Variants in SCGB2B2 observed in about 807,000 individuals in gnomAD.
SCGB2B2 encodes the protein secretoglobin family 2B member 2, also known as secretoglobin-like protein.
SCGB2B2 carries 11 observed loss-of-function variants against 7.6 expected under a neutral mutation model. The observed-to-expected ratio is 1.45, with a 90% CI of 0.91 to 2.40. The LOEUF (loss-of-function observed/expected upper bound fraction) is 2.40, where lower values mean the gene tolerates loss of function less well. Ranked by LOEUF, SCGB2B2 falls within the 30% of genes most tolerant of loss-of-function variation. The pLI is 0.00. For missense variants in SCGB2B2, 104 were observed against 115.4 expected (o/e 0.90, Z 0.45); for synonymous variants, 50 against 48.6 (o/e 1.03, Z -0.12).
chr19:34,667,804 C>T (rs745432229), intron 1 of SCGB2B2, among the ~76,000 whole-genome samples: 1 of 149,392 alleles, frequency 6.7e-6, no homozygotes, highest in Non-Finnish European at 1.5e-5. Flanking sequence ...CTGACCCGGG[C>T]CACCCACGTG....
At chr19:34,653,767 A>C (rs1373242569) in intron 1 of SCGB2B2, among the ~76,000 whole-genome samples, 1 of 151,296 alleles carries the variant, frequency 6.6e-6, no homozygotes, top group Non-Finnish European at 1.5e-5. Flanking sequence ...AATATTCAAT[A>C]TCCATTCATA....
At chr19:34,658,199 G>A (rs570546832) in intron 1 of SCGB2B2, among the ~76,000 whole-genome samples, 18 of 152,160 alleles carry the variant, frequency 1.2e-4, no homozygotes, top group Non-Finnish European at 1.8e-4. Context: ...AGAGATTCAA[G>A]AGCAAACAAA....
rs115079256 is a variant in SCGB2B2 at position 34,619,573 on chromosome 19, G to A, written c.-2031-22979C>T. ...GAGATGTAGAATCTCCCCAAAGGTA[G>A]TTCAGGAAAAAGAAAATTTCAAGAC... is the stretch of plus-strand genomic sequence containing the variant. On this transcript the variant is annotated intron_variant, in intron 1 of 3. Coordinates refer to ENST00000601241, the MANE Select transcript of SCGB2B2 (RefSeq NM_001025591.4). Among the ~76,000 whole-genome samples the A allele has an allele frequency of 2.7e-3, 409 of 152,290 alleles. 1 individual carries two copies. Among genetic ancestry groups the A allele is most frequent in the African/African-American group, 9.4e-3 (392 of 41,558 alleles).
At chr19:34,597,974 G>C (rs1317191713) in intron 1 of SCGB2B2, among the ~76,000 whole-genome samples, 2 of 152,174 alleles carry the variant, frequency 1.3e-5, no homozygotes, top group Non-Finnish European at 2.9e-5. Context: ...AGGGGGCAGA[G>C]GGGGCAGAGA....
chr19:34,649,149 G>A (rs1281385720), intron 1 of SCGB2B2, among the ~76,000 whole-genome samples: 3 of 152,010 alleles, frequency 2.0e-5, no homozygotes, highest in Admixed American at 1.3e-4. Context: ...CTCGTGATCC[G>A]CCCACCTCGG....
chr19:34,600,910 C>T (rs12611182), intron 1 of SCGB2B2, among the ~76,000 whole-genome samples: 13,254 of 111,100 alleles, frequency 0.12, 712 homozygotes, highest in East Asian at 0.3. Flanking sequence ...TATTTCTGCT[C>T]GGGGTGTGGT....
intron 1 of SCGB2B2, among the ~76,000 whole-genome samples, chr19:34,642,299 TG>T (rs2066864603): frequency 6.6e-6 from 1 of 152,082 alleles, no homozygotes; most frequent in Non-Finnish European, 1.5e-5. Context: ...CCTCCACCCT[TG>T]TGGGCCCTAA....
At chr19:34,642,560 A>T (rs192751173) in intron 1 of SCGB2B2, among the ~76,000 whole-genome samples, 7 of 151,634 alleles carry the variant, frequency 4.6e-5, no homozygotes, top group African/African-American at 1.7e-4. Flanking sequence ...CTAAAAATAC[A>T]AAAAAATTAG....
At chr19:34,603,247 G>A (rs932462004) in intron 1 of SCGB2B2, among the ~76,000 whole-genome samples, 18 of 152,172 alleles carry the variant, frequency 1.2e-4, no homozygotes, top group African/African-American at 4.1e-4. Context: ...AGCAGCAGCA[G>A]TCTAACATTT....
intron 1 of SCGB2B2, 100 bp downstream of exon 1, chr19:34,675,530 A>G (rs1388028453): frequency 6.6e-6 from 1 of 152,216 alleles, no homozygotes; most frequent in Non-Finnish European, 1.5e-5. Context: ...GGAAGTCGGC[A>G]CAAGCTACAG....
intron 1 of SCGB2B2, among the ~76,000 whole-genome samples, chr19:34,673,770 G>C (rs1370270933): frequency 6.6e-6 from 1 of 152,166 alleles, no homozygotes; most frequent in Non-Finnish European, 1.5e-5. Flanking sequence ...CACTGTTGTA[G>C]GAGTGTCCCT....
chr19:34,626,803 T>A (rs943471960), intron 1 of SCGB2B2, among the ~76,000 whole-genome samples: 1 of 152,090 alleles, frequency 6.6e-6, no homozygotes, highest in African/African-American at 2.4e-5. Context: ...AGACACATAA[T>A]TGTCAGATTC....
chr19:34,623,321 G>A (rs933635230), intron 1 of SCGB2B2, among the ~76,000 whole-genome samples: 3 of 152,162 alleles, frequency 2.0e-5, no homozygotes, highest in African/African-American at 4.8e-5. Flanking sequence ...GGCTGCACTC[G>A]AGGAAAGTGC....
intron 1 of SCGB2B2, among the ~76,000 whole-genome samples, chr19:34,654,597 G>C (rs976169878): frequency 1.3e-5 from 2 of 151,020 alleles, no homozygotes; most frequent in African/African-American, 5.0e-5. Flanking sequence ...TAGAACCTGA[G>C]ATTGGCCTTT....
rs150462814 is a variant in SCGB2B2 at position 34,594,357 on chromosome 19, C to A, written c.64G>T (p.Asp22Tyr). 2.5e-6 allele frequency: 4 copies of A among 1,613,532 alleles called. No homozygotes were observed. The highest frequency in any genetic ancestry group is 1.6e-4 in the Middle Eastern group (1 of 6,082). ...LALICSVQLGDACLDIDKLLA... is the reference protein window; with the variant it reads ...LALICSVQLGYACLDIDKLLA... ...AGTTTATCGATATCCAGGCAGGCATCCCCTGTGGAGGATGAGGTGAGATAA... is the reference window on the plus strand; with the variant it reads ...AGTTTATCGATATCCAGGCAGGCATACCCTGTGGAGGATGAGGTGAGATAA... The change falls in exon 3 of 4, where the codon GAT becomes TAT. Residue 22 changes from aspartate to tyrosine, a missense_variant and splice_region_variant. Coordinates refer to ENST00000601241, the MANE Select transcript of SCGB2B2 (RefSeq NM_001025591.4).
intron 1 of SCGB2B2, among the ~76,000 whole-genome samples, chr19:34,670,062 T>C (rs2067762173): frequency 6.6e-6 from 1 of 152,100 alleles, no homozygotes; most frequent in Admixed American, 6.6e-5. Context: ...GGTGCTTCAG[T>C]GCAGGGGAGA....
intron 1 of SCGB2B2, among the ~76,000 whole-genome samples, chr19:34,644,226 G>T (rs1600062009): frequency 6.6e-6 from 1 of 152,100 alleles, no homozygotes; most frequent in South Asian, 2.1e-4. Flanking sequence ...TAGAGGCAGG[G>T]TCTCACTATG....
chr19:34,674,347 C>T (rs1438194570), intron 1 of SCGB2B2, among the ~76,000 whole-genome samples: 1 of 152,114 alleles, frequency 6.6e-6, no homozygotes, highest in African/African-American at 2.4e-5. Context: ...GGGAAAGCTA[C>T]ATGAAATCTC....
At chr19:34,650,030 C>T (rs1034891996) in intron 1 of SCGB2B2, among the ~76,000 whole-genome samples, 11 of 151,258 alleles carry the variant, frequency 7.3e-5, no homozygotes, top group Non-Finnish European at 1.3e-4. Flanking sequence ...GGGCAATAAC[C>T]GGGGCGTAAA....
Sources: allele counts gnomAD v4.1 joint callset (sites outside exome capture counted in the v4.1 genomes callset), GRCh38; gene constraint gnomAD v4.1.1; transcripts MANE v1.5; gene names NCBI Gene and HGNC (gene_info 2026-07-23, HGNC 2026-07-21).